ARPC5L: variants seen among roughly 807,000 people sequenced by gnomAD.
ARPC5L encodes actin-related protein 2/3 complex subunit 5-like protein.
A neutral mutation model predicts 16.9 loss-of-function variants in ARPC5L; 4 were observed. That is an observed-to-expected ratio of 0.24 (90% CI 0.12 to 0.54). ARPC5L has a LOEUF of 0.54. ARPC5L is among the 20% of genes least tolerant of loss of function. The pLI is 0.95. For synonymous variants in ARPC5L, 78 were observed against 82.6 expected (o/e 0.94, Z 0.30); for missense variants, 151 against 201.9 (o/e 0.75, Z 1.53).
intron 5 of ARPC5L, among the ~76,000 whole-genome samples, chr9:124,876,133 G>A (rs1227152713): frequency 6.6e-6 from 1 of 152,160 alleles, no homozygotes; most frequent in Non-Finnish European, 1.5e-5. Flanking sequence ...CAGGAGGATT[G>A]CTGGAGCCCA....
chr9:124,871,628 A>G lies in ARPC5L; in HGVS notation c.150-2064A>G, dbSNP rs186060118. 8.5e-5 allele frequency among the ~76,000 whole-genome samples: 13 copies of G among 152,300 alleles called. No homozygotes were observed. The East Asian group carries it at 2.5e-3, about 29-fold the overall frequency. On this transcript the variant is annotated intron_variant, in intron 3 of 5. Coordinates refer to ENST00000353214, the MANE Select transcript of ARPC5L (RefSeq NM_030978.3). ...ATTTTTGGAATGAGATGGCGTGTGA[A>G]AGCACCTGGCACAGGATCCGAGACC...
Position 124,877,311 on chromosome 9 carries a change from C to CAA in ARPC5L, c.*372_*373dup, listed in dbSNP as rs1474956157. 10 of 220,262 alleles carry CAA rather than the reference C, an allele frequency of 4.5e-5. No homozygotes were observed. In the East Asian group the frequency reaches 1.4e-3, roughly 32 times the overall value. 13.6% of individuals were successfully genotyped at this position (220,262 alleles called of 1,614,324 possible). On this transcript the variant is annotated 3_prime_UTR_variant, in exon 6 of 6. Coordinates refer to ENST00000353214, the MANE Select transcript of ARPC5L (RefSeq NM_030978.3). ...TGTGTTTTTGAAGTGGAAAAAAACC[C>CAA]AAGAGTTTGTACAGACATCCTGTCT...
intron 1 of ARPC5L, 125 bp from the exon 2 acceptor site, chr9:124,863,863 A>C (rs1390775017): frequency 1.3e-5 from 2 of 152,258 alleles, no homozygotes; most frequent in Non-Finnish European, 2.9e-5. Flanking sequence ...TCTTGTTACT[A>C]CCAGCTGTAA....
intron 1 of ARPC5L, among the ~76,000 whole-genome samples, chr9:124,863,685 T>C (rs937964511): frequency 3.3e-5 from 5 of 152,218 alleles, no homozygotes; most frequent in African/African-American, 1.2e-4. Flanking sequence ...GAAGGAACAC[T>C]TCAGTAGAGC....
chr9:124,869,705 G>A (rs2131333905), intron 3 of ARPC5L, among the ~76,000 whole-genome samples: 2 of 152,324 alleles, frequency 1.3e-5, no homozygotes, highest in East Asian at 3.9e-4. Flanking sequence ...GGCTCCCTCG[G>A]CACCCCCGCA....
At chr9:124,867,698 C>T (rs183573584) in intron 2 of ARPC5L, among the ~76,000 whole-genome samples, 232 of 152,196 alleles carry the variant, frequency 1.5e-3, no homozygotes, top group African/African-American at 5.2e-3. Context: ...ATATGAATTT[C>T]TGCTGTCTCG....
chr9:124,869,098 C>T lies in ARPC5L; in HGVS notation c.-193C>T. 1 of 560,438 alleles carries T rather than the reference C, an allele frequency of 1.8e-6. No homozygotes were observed. The highest frequency in any genetic ancestry group is 2.7e-6 in the Non-Finnish European group (1 of 369,184). The allele number at this position is 560,438 out of a possible 1,614,324, so 34.7% of individuals were successfully genotyped here. A position where few individuals can be genotyped will look rare whatever the true frequency, so the allele number is the denominator to read the frequency against. On this transcript the variant is annotated 5_prime_UTR_variant, in exon 3 of 6. Transcript: ENST00000353214. ...TCCAGGTGCCAGGCTCCGCCCCGCCCCTGACGGCGCTTCCGGATCCGGCGG... is the reference window on the plus strand; with the variant it reads ...TCCAGGTGCCAGGCTCCGCCCCGCCTCTGACGGCGCTTCCGGATCCGGCGG...
intron 1 of ARPC5L, among the ~76,000 whole-genome samples, chr9:124,862,805 C>T (rs1829220873): frequency 6.6e-6 from 1 of 151,552 alleles, no homozygotes; most frequent in South Asian, 2.1e-4. Flanking sequence ...GGATTACAGG[C>T]GTGAGCCACC....
intron 3 of ARPC5L, among the ~76,000 whole-genome samples, chr9:124,870,341 A>G (rs1829337531): frequency 6.6e-6 from 1 of 152,068 alleles, no homozygotes; most frequent in Non-Finnish European, 1.5e-5. Context: ...AGCGCAGGAA[A>G]CTGACTTATT....
chr9:124,874,853 C>G (rs1588045408), intron 4 of ARPC5L, 122 bp from the exon 5 acceptor site: 2 of 1,190,708 alleles, frequency 1.7e-6, no homozygotes, highest in Non-Finnish European at 2.4e-6. Context: ...TTATTTTAAC[C>G]ATCCTGGACG....
chr9:124,869,382 C>T lies in ARPC5L; in HGVS notation c.92C>T (p.Ala31Val). The T allele has an allele frequency of 6.6e-7, 1 of 1,512,298 alleles. No individual in the cohort carries two copies. The allele number at this position is 1,512,298 out of a possible 1,614,324, so 93.7% of individuals were successfully genotyped here. ...NKFVDEQEEA[A>V]AAAAEPGPDP... ...TTTGTGGACGAGCAGGAGGAGGCGG[C>T]GGCGGCGGCGGCGGAGCCAGGCCCG... Residue 31 changes from alanine (A) to valine (V), a missense_variant, in exon 3 of 6, where the codon GCG becomes GTG. By Grantham distance (64) the Ala-to-Val change is moderately conservative. Coordinates refer to ENST00000353214, the MANE Select transcript of ARPC5L (RefSeq NM_030978.3).
chr9:124,873,853 A>C, intron 4 of ARPC5L, 89 bp downstream of exon 4: 6 of 1,510,652 alleles, frequency 4.0e-6, no homozygotes, highest in Non-Finnish European at 5.5e-6. Flanking sequence ...TTTCATCCAC[A>C]TCAGAGGGAG....
intron 2 of ARPC5L, among the ~76,000 whole-genome samples, chr9:124,865,014 T>A (rs1475618994): frequency 6.6e-6 from 1 of 151,862 alleles, no homozygotes; most frequent in Non-Finnish European, 1.5e-5. Flanking sequence ...ATATTTTTAG[T>A]AGAGACGGCA....
chr9:124,870,038 C>T (rs1829333801), intron 3 of ARPC5L, among the ~76,000 whole-genome samples: 1 of 152,200 alleles, frequency 6.6e-6, no homozygotes, highest in Non-Finnish European at 1.5e-5. Context: ...GTCAGTCTAA[C>T]CCTCCCGCTT....
In ARPC5L at chr9:124,877,096, G is replaced by GA. The variant is rs1164021627; in HGVS notation, c.*160dup. On this transcript the variant is annotated 3_prime_UTR_variant, in exon 6 of 6. Transcript: ENST00000353214. Reference sequence around the variant, plus strand: ...TGTATTTTATTTTCAAGGTGGAGGGGAAAATCGTCTGTTTCCTAAATCCTG... The same window carrying GA: ...TGTATTTTATTTTCAAGGTGGAGGGGAAAAATCGTCTGTTTCCTAAATCCTG... 1 of 644,880 alleles carries GA rather than the reference G, an allele frequency of 1.6e-6. No homozygotes were observed. Among genetic ancestry groups the GA allele is most frequent in the Non-Finnish European group, 2.6e-6 (1 of 382,052 alleles). 39.9% of individuals were successfully genotyped at this position (644,880 alleles called of 1,614,324 possible). A position where few individuals can be genotyped will look rare whatever the true frequency, so the allele number is the denominator to read the frequency against.
At chr9:124,871,920 G>A (rs1767139839) in intron 3 of ARPC5L, among the ~76,000 whole-genome samples, 1 of 152,178 alleles carries the variant, frequency 6.6e-6, no homozygotes, top group Non-Finnish European at 1.5e-5. Context: ...GGAAGATCTA[G>A]AGGAGATCAA....
intron 4 of ARPC5L, among the ~76,000 whole-genome samples, chr9:124,874,543 A>T (rs892921151): frequency 2.3e-4 from 35 of 152,284 alleles, no homozygotes; most frequent in African/African-American, 8.2e-4. Context: ...AAAATAAAAA[A>T]AATAATTAGC....
chr9:124,862,371 A>C lies in ARPC5L; in HGVS notation c.-1011A>C, dbSNP rs1235670012. On this transcript the variant is annotated 5_prime_UTR_variant, in exon 1 of 6. Coordinates refer to ENST00000353214, the MANE Select transcript of ARPC5L (RefSeq NM_030978.3). ...GGAGGAGGGGCCAGAGTTTTCAAAG[A>C]CGATTAACCGAGGCTCACGTCGCGG... 1 of 164,196 alleles carries C rather than the reference A, an allele frequency of 6.1e-6. No homozygotes were observed. The highest frequency in any genetic ancestry group is 1.8e-4 in the South Asian group (1 of 5,492). 10.2% of individuals were successfully genotyped at this position (164,196 alleles called of 1,614,324 possible). A position where few individuals can be genotyped will look rare whatever the true frequency, so the allele number is the denominator to read the frequency against.
At chr9:124,866,613 C>T (rs1474515905) in intron 2 of ARPC5L, among the ~76,000 whole-genome samples, 1 of 151,876 alleles carries the variant, frequency 6.6e-6, no homozygotes, top group African/African-American at 2.4e-5. Context: ...CCCAGCTACT[C>T]GGGAGGCTGA....
Sources: gnomAD v4.1 joint callset for allele counts (sites outside exome capture counted in the v4.1 genomes callset) on GRCh38, gnomAD v4.1.1 for gene constraint, MANE v1.5 for transcripts, NCBI Gene and HGNC (gene_info 2026-07-23, HGNC 2026-07-21) for gene names.